The following MUSK variants were observed in gnomAD, a reference collection of about 807,000 sequenced individuals.
MUSK encodes the protein muscle, skeletal receptor tyrosine-protein kinase.
A neutral mutation model predicts 88.7 loss-of-function variants in MUSK; 55 were observed. The ratio of observed to expected loss-of-function variants is 0.62; its 90% confidence interval spans 0.50 to 0.78. The LOEUF (loss-of-function observed/expected upper bound fraction) is 0.78. MUSK is among the 30% of genes least tolerant of loss of function. The pLI, the probability that MUSK is intolerant of heterozygous loss-of-function variation, is 0.00. For missense variants in MUSK, 1,015 were observed against 1,074.3 expected (o/e 0.94, Z 0.77); for synonymous variants, 387 against 391.9 (o/e 0.99, Z 0.15).
intron 9 of MUSK, among the ~76,000 whole-genome samples, chr9:110,771,664 T>C (rs1321866607): frequency 6.6e-6 from 1 of 152,154 alleles, no homozygotes; most frequent in African/African-American, 2.4e-5. Flanking sequence ...CAAGCTCCCC[T>C]TCATGCTGCC....
chr9:110,694,303 A>G (rs2076398736), intron 3 of MUSK, among the ~76,000 whole-genome samples: 2 of 145,836 alleles, frequency 1.4e-5, no homozygotes, highest in Non-Finnish European at 3.0e-5. Flanking sequence ...GGACAATGGC[A>G]TGAACCCGGG....
chr9:110,753,607 A>T (rs1267698508), intron 7 of MUSK, among the ~76,000 whole-genome samples: 1 of 151,976 alleles, frequency 6.6e-6, no homozygotes, highest in Non-Finnish European at 1.5e-5. Context: ...ATGGTCACAC[A>T]CCCCTCTAAT....
chr9:110,797,691 A>G (rs1172605318), intron 14 of MUSK, among the ~76,000 whole-genome samples: 1 of 152,162 alleles, frequency 6.6e-6, no homozygotes, highest in Non-Finnish European at 1.5e-5. Flanking sequence ...CATTTCCTCA[A>G]CTCCTAAACA....
At chr9:110,715,096 A>G (rs1270692474) in intron 5 of MUSK, among the ~76,000 whole-genome samples, 1 of 149,710 alleles carries the variant, frequency 6.7e-6, no homozygotes, top group Non-Finnish European at 1.5e-5. Context: ...TTGACGTTAC[A>G]AAATAAAATA....
chr9:110,736,413 G>T (rs2077030615), intron 6 of MUSK, among the ~76,000 whole-genome samples: 1 of 152,078 alleles, frequency 6.6e-6, no homozygotes, highest in African/African-American at 2.4e-5. Context: ...GAGTTGAAGG[G>T]TGAAGTTACA....
In MUSK at chr9:110,679,635, CTGTT is replaced by C. The variant is rs546937995; in HGVS notation, c.80-3033_80-3030del. 1.5e-3 allele frequency among the ~76,000 whole-genome samples: 230 copies of C among 151,880 alleles called. 1 individual carries two copies. The highest frequency in any genetic ancestry group is 5.3e-3 in the African/African-American group (218 of 41,486). ...GGCTTATTTATTCCTCCTCTTCTTC[CTGTT>C]TGTTTTTGCTTTTGTTTTTGATTGA... On this transcript the variant is annotated intron_variant, in intron 1 of 14. Transcript: ENST00000374448.
chr9:110,690,481 A>AAT (rs1221156871), intron 3 of MUSK, among the ~76,000 whole-genome samples: 4 of 26,314 alleles, frequency 1.5e-4, no homozygotes, highest in Admixed American at 4.4e-4. Context: ...TATATATATA[A>AAT]ATATATATTT....
chr9:110,681,109 T>A lies in MUSK; in HGVS notation c.80-1565T>A, dbSNP rs867007165. ...ATAATATATATTATATAATATATAT[T>A]ATATATAATATATATTATATATATT... On this transcript the variant is annotated intron_variant, in intron 1 of 14. Transcript: ENST00000374448. Among the ~76,000 whole-genome samples the A allele has an allele frequency of 2.8e-4, 15 of 54,310 alleles. 1 individual carries two copies. Among genetic ancestry groups the A allele is most frequent in the Non-Finnish European group, 3.5e-4 (12 of 34,056 alleles). 35.6% of individuals were successfully genotyped at this position (54,310 alleles called of 152,430 possible).
At chr9:110,798,772 T>A (rs532795621) in intron 14 of MUSK, among the ~76,000 whole-genome samples, 1 of 152,094 alleles carries the variant, frequency 6.6e-6, no homozygotes, top group African/African-American at 2.4e-5. Context: ...ATAGAAAACA[T>A]TTTGAGGTCT....
chr9:110,786,669 G>T (rs2077872103), intron 13 of MUSK, among the ~76,000 whole-genome samples: 1 of 151,980 alleles, frequency 6.6e-6, no homozygotes, highest in African/African-American at 2.4e-5. Flanking sequence ...ATGACAAACA[G>T]AAAAGGAATA....
chr9:110,708,442 T>A (rs1024806093), intron 5 of MUSK, among the ~76,000 whole-genome samples: 4 of 152,194 alleles, frequency 2.6e-5, no homozygotes, highest in Non-Finnish European at 5.9e-5. Flanking sequence ...TCAGTCCTAA[T>A]TGTTTGATGC....
At chr9:110,671,389 A>G (rs547994529) in intron 1 of MUSK, among the ~76,000 whole-genome samples, 17 of 152,234 alleles carry the variant, frequency 1.1e-4, no homozygotes, top group Admixed American at 1.0e-3. Context: ...TAGATAATAT[A>G]CTTCTTCCTA....
chr9:110,787,596 C>T, intron 13 of MUSK, 94 bp from the exon 14 acceptor site: 2 of 1,287,054 alleles, frequency 1.6e-6, no homozygotes, highest in Admixed American at 2.5e-5. Context: ...GCCTTTTACA[C>T]AGGGGAGGTG....
chr9:110,762,578 A>T (rs913566879), intron 8 of MUSK, among the ~76,000 whole-genome samples: 1 of 142,396 alleles, frequency 7.0e-6, no homozygotes, highest in Non-Finnish European at 1.6e-5. Context: ...AAAAAAAAAT[A>T]AAAAAACCTA....
At position 110,767,841 on chromosome 9, in the gene MUSK, A is replaced by G. The variant is rs777849522; in HGVS notation, c.942A>G (p.Lys314=). ...AEWSKPQKDN[K]GYCAQYRGEV... ...TCAGTAAACCACAGAAAGATAACAA[A>G]GGCTACTGCGCCCAGTACAGAGGGG... The change falls in exon 9 of 15, where the codon AAA becomes AAG. Residue 314 remains lysine (K), a synonymous_variant. Transcript: ENST00000374448. 2 of 1,614,038 alleles carry G rather than the reference A, an allele frequency of 1.2e-6. No homozygotes were observed. The highest frequency in any genetic ancestry group is 2.2e-5 in the South Asian group (2 of 91,084).
intron 1 of MUSK, among the ~76,000 whole-genome samples, chr9:110,671,076 A>T (rs1433445941): frequency 6.6e-6 from 1 of 152,100 alleles, no homozygotes; most frequent in Admixed American, 6.6e-5. Context: ...GGTTCAAGCT[A>T]TACTCCTGCC....
chr9:110,681,064 TA>T (rs370084845), intron 1 of MUSK, among the ~76,000 whole-genome samples: 2 of 19,206 alleles, frequency 1.0e-4, no homozygotes, highest in Admixed American at 5.7e-4. Flanking sequence ...ATATTATATA[TA>T]TAATATTATA....
intron 13 of MUSK, among the ~76,000 whole-genome samples, chr9:110,786,610 C>T (rs566870951): frequency 6.6e-6 from 1 of 152,018 alleles, no homozygotes; most frequent in South Asian, 2.1e-4. Context: ...TTTTAAATAA[C>T]TCCTTACATT....
intron 11 of MUSK, among the ~76,000 whole-genome samples, chr9:110,782,264 T>C (rs563334354): frequency 6.6e-6 from 1 of 152,316 alleles, no homozygotes; most frequent in East Asian, 1.9e-4. Context: ...AGAATGACGA[T>C]TCAAAGTGAT....
Sources: allele counts gnomAD v4.1 joint callset (sites outside exome capture counted in the v4.1 genomes callset), GRCh38; gene constraint gnomAD v4.1.1; transcripts MANE v1.5; gene names NCBI Gene and HGNC (gene_info 2026-07-23, HGNC 2026-07-21).